Variants in DYNC1I1 observed in about 807,000 individuals in gnomAD.
DYNC1I1 encodes cytoplasmic dynein 1 intermediate chain 1.
In DYNC1I1, 43 loss-of-function variants were observed where a neutral mutation model predicts 86.6. The observed-to-expected ratio is 0.50, with a 90% confidence interval of 0.39 to 0.64. The LOEUF (loss-of-function observed/expected upper bound fraction) is 0.64. Ranked by LOEUF, DYNC1I1 falls within the 30% of genes least tolerant of loss-of-function variation. DYNC1I1 has a pLI of 0.00. For missense variants in DYNC1I1, 604 were observed against 788.8 expected (o/e 0.77, Z 2.81); for synonymous variants, 262 against 283.7 (o/e 0.92, Z 0.77).
intron 1 of DYNC1I1, among the ~76,000 whole-genome samples, chr7:95,781,804 C>T (rs751766384): frequency 2.6e-5 from 4 of 152,110 alleles, no homozygotes; most frequent in Non-Finnish European, 5.9e-5. Flanking sequence ...TTCTTTACAC[C>T]CTCCTCACGG....
intron 6 of DYNC1I1, among the ~76,000 whole-genome samples, chr7:95,884,142 G>A (rs1045073898): frequency 6.6e-5 from 10 of 152,136 alleles, no homozygotes; most frequent in African/African-American, 2.4e-4. Flanking sequence ...TGACACTACT[G>A]AGAAATGCAG....
intron 6 of DYNC1I1, among the ~76,000 whole-genome samples, chr7:95,894,644 C>A (rs928709218): frequency 1.3e-5 from 2 of 152,134 alleles, no homozygotes; most frequent in African/African-American, 4.8e-5. Flanking sequence ...TCAAACACAT[C>A]TTTATTAATT....
intron 10 of DYNC1I1, among the ~76,000 whole-genome samples, chr7:96,017,244 A>G (rs1353028430): frequency 2.6e-5 from 4 of 152,172 alleles, no homozygotes; most frequent in African/African-American, 9.7e-5. Flanking sequence ...ATTTAAAGAA[A>G]ACTGTTGCTT....
intron 6 of DYNC1I1, among the ~76,000 whole-genome samples, chr7:95,952,040 A>T (rs1200738472): frequency 6.6e-6 from 1 of 152,216 alleles, no homozygotes; most frequent in African/African-American, 2.4e-5. Flanking sequence ...TGATCGCCTG[A>T]TTGATTCTGA....
chr7:95,918,240 G>GCTTT (rs556053533), intron 6 of DYNC1I1, among the ~76,000 whole-genome samples: 19 of 152,144 alleles, frequency 1.2e-4, no homozygotes, highest in African/African-American at 4.6e-4. Context: ...AGGAAGTCAG[G>GCTTT]CTTTCTTTAT....
intron 6 of DYNC1I1, among the ~76,000 whole-genome samples, chr7:95,873,199 C>T (rs1009199629): frequency 2.6e-5 from 4 of 152,188 alleles, no homozygotes; most frequent in African/African-American, 9.7e-5. Context: ...ACCAAGACAT[C>T]TCTCTCAAAG....
Position 96,014,271 on chromosome 7 carries a change from A to G in DYNC1I1, c.970-13904A>G, listed in dbSNP as rs530784392. On this transcript the variant is annotated intron_variant, in intron 10 of 16. Coordinates refer to ENST00000447467, the MANE Select transcript of DYNC1I1 (RefSeq NM_001135556.2). Reference sequence around the variant, plus strand: ...CTACGTCCTAAAGGAGTTAAGTCCCATGAACAAAGTGACACAGCTATAGAA... The same window carrying G: ...CTACGTCCTAAAGGAGTTAAGTCCCGTGAACAAAGTGACACAGCTATAGAA... Among the ~76,000 whole-genome samples the G allele has an allele frequency of 1.8e-3, 272 of 152,338 alleles. 2 individuals are homozygous for G. The highest frequency in any genetic ancestry group is 6.1e-3 in the African/African-American group (254 of 41,580).
chr7:95,964,454 C>G (rs892435457), intron 6 of DYNC1I1, among the ~76,000 whole-genome samples: 1 of 152,160 alleles, frequency 6.6e-6, no homozygotes, highest in Non-Finnish European at 1.5e-5. Flanking sequence ...TTTGATACAG[C>G]AGCTGCCTTG....
At chr7:95,989,233 A>G (rs1584230212) in intron 9 of DYNC1I1, among the ~76,000 whole-genome samples, 1 of 152,180 alleles carries the variant, frequency 6.6e-6, no homozygotes, top group East Asian at 1.9e-4. Context: ...AGAACAGGGG[A>G]ACAAAAGAGG....
At chr7:95,869,786 T>C in intron 5 of DYNC1I1, 97 bp from the exon 6 acceptor site, 2 of 1,146,368 alleles carry the variant, frequency 1.7e-6, no homozygotes, top group Non-Finnish European at 2.6e-6. Flanking sequence ...CTGAGGGTAT[T>C]TGTGGTTTGT....
chr7:96,077,773 T>C (rs942392095), intron 15 of DYNC1I1, among the ~76,000 whole-genome samples: 1 of 152,222 alleles, frequency 6.6e-6, no homozygotes, highest in African/African-American at 2.4e-5. Context: ...ACAAACTCCT[T>C]AACAATTCCT....
chr7:96,068,777 T>G (rs1456503870), intron 14 of DYNC1I1, among the ~76,000 whole-genome samples: 1 of 152,042 alleles, frequency 6.6e-6, no homozygotes, highest in Non-Finnish European at 1.5e-5. Context: ...TATGCCTTTC[T>G]TTAAGAATTG....
intron 6 of DYNC1I1, among the ~76,000 whole-genome samples, chr7:95,955,938 G>T (rs1792699210): frequency 6.6e-6 from 1 of 152,158 alleles, no homozygotes; most frequent in Non-Finnish European, 1.5e-5. Context: ...ACAGGTGCCT[G>T]TTACTGAGAG....
intron 14 of DYNC1I1, among the ~76,000 whole-genome samples, chr7:96,075,266 C>T (rs1790295327): frequency 6.6e-6 from 1 of 152,152 alleles, no homozygotes; most frequent in South Asian, 2.1e-4. Context: ...CATTTGTATG[C>T]ACTAGGGGTA....
At chr7:95,948,272 A>T (rs1013101797) in intron 6 of DYNC1I1, among the ~76,000 whole-genome samples, 3 of 152,192 alleles carry the variant, frequency 2.0e-5, no homozygotes, top group African/African-American at 7.2e-5. Flanking sequence ...AGCACCCCAG[A>T]CAAAGATAGG....
At position 95,829,055 on chromosome 7, in the gene DYNC1I1, T is replaced by G. The variant is rs144565575; in HGVS notation, c.374+939T>G. Reference sequence around the variant, plus strand: ...GGATATCTCTAAGTGAACAGCAAGTTTCATAACCACATTTTATGGAACCAT... The same window carrying G: ...GGATATCTCTAAGTGAACAGCAAGTGTCATAACCACATTTTATGGAACCAT... On this transcript the variant is annotated intron_variant, in intron 5 of 16. Coordinates refer to ENST00000447467, the MANE Select transcript of DYNC1I1 (RefSeq NM_001135556.2). Among the ~76,000 whole-genome samples the G allele has an allele frequency of 1.4e-3, 219 of 152,320 alleles. 1 individual carries two copies. The highest frequency in any genetic ancestry group is 6.8e-3 in the Middle Eastern group (2 of 294).
Position 96,056,379 on chromosome 7 carries a change from T to C in DYNC1I1, c.1509+16958T>C, listed in dbSNP as rs1465654680. Among the ~76,000 whole-genome samples the C allele has an allele frequency of 2.0e-5, 3 of 152,180 alleles. No individual in the cohort carries two copies. The East Asian group carries it at 5.8e-4, about 29-fold the overall frequency. On this transcript the variant is annotated intron_variant, in intron 14 of 16. Transcript: ENST00000447467. ...GATCTGTAATAAATTAAAGTGGTCA[T>C]GCTTTTCTCTAAGGATGACCTCCTC...
intron 10 of DYNC1I1, among the ~76,000 whole-genome samples, chr7:96,000,760 T>C (rs1446736394): frequency 2.0e-5 from 3 of 152,110 alleles, no homozygotes; most frequent in Non-Finnish European, 4.4e-5. Flanking sequence ...AAGCAACTCA[T>C]GAAGAAGCAG....
intron 5 of DYNC1I1, among the ~76,000 whole-genome samples, chr7:95,833,829 A>C (rs1422611942): frequency 2.0e-5 from 3 of 147,692 alleles, no homozygotes; most frequent in African/African-American, 7.6e-5. Flanking sequence ...TTGTATCCTG[A>C]GACTTTGCTG....
Sources: gnomAD v4.1 joint callset for allele counts (sites outside exome capture counted in the v4.1 genomes callset) on GRCh38, gnomAD v4.1.1 for gene constraint, MANE v1.5 for transcripts, NCBI Gene and HGNC (gene_info 2026-07-23, HGNC 2026-07-21) for gene names.